The following C1QTNF7 variants were observed in gnomAD, a reference collection of about 807,000 sequenced individuals.
C1QTNF7 encodes C1q and TNF related 7.
A neutral mutation model predicts 19.6 loss-of-function variants in C1QTNF7; 15 were observed. That is an observed-to-expected ratio of 0.76 (90% CI 0.51 to 1.18). C1QTNF7 has a LOEUF of 1.18. C1QTNF7 is among the 50% of genes most tolerant of loss of function. The probability of loss-of-function intolerance (pLI) is 0.00; values close to 1 mark genes in which losing one functional copy is unlikely to be tolerated. For missense variants in C1QTNF7, 324 were observed against 359.7 expected (o/e 0.90, Z 0.80); for synonymous variants, 142 against 137.5 (o/e 1.03, Z -0.23).
Position 15,341,585 on chromosome 4 carries a change from T to A in C1QTNF7, c.13+1378T>A, listed in dbSNP as rs549640176. Among the ~76,000 whole-genome samples the A allele has an allele frequency of 2.1e-4, 32 of 152,324 alleles. 1 individual carries two copies. Among genetic ancestry groups the A allele is most frequent in the African/African-American group, 7.7e-4 (32 of 41,582 alleles). ...GTGACCCGCGACTGCCAATTCCTTA[T>A]CCTTCTCTTTCCCAAATCTTCTTCT... On this transcript the variant is annotated intron_variant, in intron 1 of 2. Coordinates refer to the C1QTNF7 transcript ENST00000295297.
rs545293715 is a variant in C1QTNF7 at position 15,343,054 on chromosome 4, T to A, written c.13+2847T>A. On this transcript the variant is annotated intron_variant, in intron 1 of 2. Coordinates refer to the C1QTNF7 transcript ENST00000295297. ...GTCTACTATCAAAATGCCTGACATATAATGAGAGCTTAGAGAATGTTAGCT... is the reference window on the plus strand; with the variant it reads ...GTCTACTATCAAAATGCCTGACATAAAATGAGAGCTTAGAGAATGTTAGCT... Among the ~76,000 whole-genome samples, 15 of 152,350 alleles carry A rather than the reference T, an allele frequency of 9.8e-5. No individual in the cohort carries two copies. In the South Asian group the frequency reaches 3.1e-3, roughly 32 times the overall value.
chr4:15,360,749 G>C (rs969865636), intron 1 of C1QTNF7, among the ~76,000 whole-genome samples: 1 of 152,184 alleles, frequency 6.6e-6, no homozygotes. Context: ...AAAGAACCAA[G>C]AAAGCACTGT....
chr4:15,386,848 C>G (rs550263042), intron 1 of C1QTNF7, among the ~76,000 whole-genome samples: 85 of 152,124 alleles, frequency 5.6e-4, no homozygotes, highest in Non-Finnish European at 1.1e-3. Context: ...ATGATGTAGA[C>G]TGGTTGGGAG....
In C1QTNF7 at chr4:15,441,043, G is replaced by C. The variant is rs185379760; in HGVS notation, c.239-1125G>C. 2.0e-4 allele frequency among the ~76,000 whole-genome samples: 30 copies of C among 152,272 alleles called. 2 individuals are homozygous for C. In the East Asian group the frequency reaches 5.6e-3, roughly 29 times the overall value. The stretch of plus-strand genomic sequence containing the variant: ...TGTAATCCCAGCTACTCAGGAGGCT[G>C]AGGCAGGAGAATAGCTTGAACCTGG... On this transcript the variant is annotated intron_variant, in intron 2 of 2. Transcript: ENST00000444304.
chr4:15,379,361 A>G (rs572422369), intron 1 of C1QTNF7, among the ~76,000 whole-genome samples: 1 of 152,312 alleles, frequency 6.6e-6, no homozygotes, highest in African/African-American at 2.4e-5. Flanking sequence ...AGAGAAGGGG[A>G]AAAAAGAACT....
intron 1 of C1QTNF7, among the ~76,000 whole-genome samples, chr4:15,397,506 G>A (rs891638237): frequency 3.3e-5 from 5 of 152,198 alleles, no homozygotes; most frequent in African/African-American, 4.8e-5. Flanking sequence ...AAAATCTGAG[G>A]CAGGAGTGTG....
intron 1 of C1QTNF7, chr4:15,340,259 T>C (rs1237474352): frequency 2.2e-5 from 34 of 1,540,102 alleles, no homozygotes; most frequent in Non-Finnish European, 3.0e-5. Flanking sequence ...CTATTCGGCC[T>C]TCATCAAAAT....
chr4:15,393,279 A>G (rs1718653094), intron 1 of C1QTNF7, among the ~76,000 whole-genome samples: 1 of 152,162 alleles, frequency 6.6e-6, no homozygotes, highest in South Asian at 2.1e-4. Context: ...ACCCAGTTTC[A>G]GGTATGTCTT....
At chr4:15,419,702 A>T (rs7442554) in intron 1 of C1QTNF7, among the ~76,000 whole-genome samples, 39,895 of 152,146 alleles carry the variant, frequency 0.26, 6,048 homozygotes, top group East Asian at 0.37. Flanking sequence ...ATAGGACAAG[A>T]ATAGATAATA....
intron 1 of C1QTNF7, among the ~76,000 whole-genome samples, chr4:15,370,374 T>C (rs1360558133): frequency 1.3e-5 from 2 of 152,212 alleles, no homozygotes; most frequent in Admixed American, 6.5e-5. Context: ...AGCTGGCTGT[T>C]TCCACTCTGT....
At chr4:15,400,815 T>TA (rs1454614437) in intron 1 of C1QTNF7, among the ~76,000 whole-genome samples, 2 of 152,236 alleles carry the variant, frequency 1.3e-5, no homozygotes, top group Non-Finnish European at 2.9e-5. Context: ...GCCTTTATGT[T>TA]ACATGCTCAC....
At chr4:15,411,081 C>T (rs1323675173) in intron 1 of C1QTNF7, among the ~76,000 whole-genome samples, 2 of 152,216 alleles carry the variant, frequency 1.3e-5, no homozygotes, top group South Asian at 2.1e-4. Flanking sequence ...TGCATACTAA[C>T]TTCCATTATT....
chr4:15,398,926 C>G (rs1164924067), intron 1 of C1QTNF7, among the ~76,000 whole-genome samples: 1 of 152,116 alleles, frequency 6.6e-6, no homozygotes, highest in Non-Finnish European at 1.5e-5. Context: ...TCTCGCATTG[C>G]CTCTCCCCTG....
chr4:15,351,880 G>A (rs1716950420), intron 1 of C1QTNF7, among the ~76,000 whole-genome samples: 1 of 151,704 alleles, frequency 6.6e-6, no homozygotes, highest in South Asian at 2.1e-4. Flanking sequence ...GGGCTAGGGA[G>A]AGTCTACACT....
In C1QTNF7 at chr4:15,443,718, T is replaced by G. The variant is rs773320942; in HGVS notation, c.*919T>G. The G allele has an allele frequency of 6.6e-6, 1 of 152,128 alleles. No homozygotes were observed. Among genetic ancestry groups the G allele is most frequent in the African/African-American group, 2.4e-5 (1 of 41,418 alleles). The allele number at this position is 152,128 out of a possible 1,614,324, so 9.4% of individuals were successfully genotyped here. On this transcript the variant is annotated 3_prime_UTR_variant, in exon 3 of 3. Transcript: ENST00000444304. The stretch of plus-strand genomic sequence containing the variant: ...TGGCAGGGGTGATAAAAATGGAGAT[T>G]GAAATGAAGAGAAATAGCCAGCAGG...
At chr4:15,440,230 G>A (rs1412228675) in intron 2 of C1QTNF7, among the ~76,000 whole-genome samples, 1 of 151,994 alleles carries the variant, frequency 6.6e-6, no homozygotes, top group East Asian at 1.9e-4. Flanking sequence ...TGTATATAAA[G>A]AGACTCAGAA....
chr4:15,345,951 G>A (rs1716703180), intron 1 of C1QTNF7, among the ~76,000 whole-genome samples: 1 of 152,140 alleles, frequency 6.6e-6, no homozygotes, highest in African/African-American at 2.4e-5. Context: ...TATAATGCCT[G>A]CCTTTAAAAC....
In C1QTNF7 at chr4:15,443,214, A is replaced by G. The variant is rs1202975583; in HGVS notation, c.*415A>G. 6.5e-6 allele frequency: 1 copy of G among 154,558 alleles called. No individual in the cohort carries two copies. The highest frequency in any genetic ancestry group is 2.4e-5 in the African/African-American group (1 of 41,522). 9.6% of individuals were successfully genotyped at this position (154,558 alleles called of 1,614,324 possible). ...TCTCGAAAGGCTATATAGTAAGTCAAAAACCAAAGGTAAGAGATGCTAACT... is the reference window on the plus strand; with the variant it reads ...TCTCGAAAGGCTATATAGTAAGTCAGAAACCAAAGGTAAGAGATGCTAACT... On this transcript the variant is annotated 3_prime_UTR_variant, in exon 3 of 3. Coordinates refer to ENST00000444304, the MANE Select transcript of C1QTNF7 (RefSeq NM_031911.5).
intron 1 of C1QTNF7, chr4:15,358,434 T>C (rs1437483016): frequency 6.6e-6 from 1 of 152,182 alleles, no homozygotes; most frequent in African/African-American, 2.4e-5. Flanking sequence ...GATTTGATCA[T>C]GGTGGATAAG....
Sources: gnomAD v4.1 joint callset for allele counts (sites outside exome capture counted in the v4.1 genomes callset) on GRCh38, gnomAD v4.1.1 for gene constraint, MANE v1.5 for transcripts, NCBI Gene and HGNC (gene_info 2026-07-23, HGNC 2026-07-21) for gene names.